The following MAGI3 variants were observed in gnomAD, a reference collection of about 807,000 sequenced individuals.
MAGI3 encodes membrane-associated guanylate kinase, WW and PDZ domain-containing protein 3.
MAGI3 carries 43 observed loss-of-function variants against 121.8 expected under a neutral mutation model. The observed-to-expected ratio is 0.35, with a 90% CI of 0.28 to 0.46. The LOEUF is 0.46. MAGI3 is among the 20% of genes least tolerant of loss of function. The pLI, the probability that MAGI3 is intolerant of heterozygous loss-of-function variation, is 1.00. For missense variants in MAGI3, 1,547 were observed against 1,797.3 expected (o/e 0.86, Z 2.52); for synonymous variants, 553 against 639.3 (o/e 0.86, Z 2.04).
intron 17 of MAGI3, 98 bp from the exon 18 acceptor site, chr1:113,672,517 G>A: frequency 7.3e-7 from 1 of 1,361,762 alleles, no homozygotes; most frequent in East Asian, 2.5e-5. Context: ...GAGGGAAAAT[G>A]GCAAGGTCGA....
Position 113,659,170 on chromosome 1 carries a change from A to C in MAGI3, c.2720A>C (p.Asn907Thr). ...LKVGDHISAV[N>T]GQSIVELSHD... ...GTTGGAGATCATATCTCTGCAGTGA[A>C]TGGGCAGTCCATTGTTGAACTGTCT... Residue 907 changes from asparagine to threonine, a missense_variant, in exon 16 of 21, where the codon AAT becomes ACT. Physicochemically the swap from Asn to Thr is moderately conservative, Grantham distance 65. Coordinates refer to ENST00000307546, the MANE Select transcript of MAGI3 (RefSeq NM_001142782.2). 2.5e-6 allele frequency: 4 copies of C among 1,614,122 alleles called. No individual in the cohort carries two copies. The highest frequency in any genetic ancestry group is 3.4e-6 in the Non-Finnish European group (4 of 1,179,976).
chr1:113,665,429 A>G (rs529453550), intron 16 of MAGI3, among the ~76,000 whole-genome samples: 8 of 152,266 alleles, frequency 5.3e-5, no homozygotes, highest in South Asian at 2.1e-4. Context: ...ATATCTGCTT[A>G]TTAGGGAAAA....
chr1:113,593,356 A>G (rs1474222231), intron 5 of MAGI3, among the ~76,000 whole-genome samples: 1 of 152,134 alleles, frequency 6.6e-6, no homozygotes, highest in Non-Finnish European at 1.5e-5. Context: ...AGTCTAGGCA[A>G]CATAGCCAGG....
chr1:113,587,119 A>G (rs150658436), intron 4 of MAGI3, among the ~76,000 whole-genome samples: 2 of 152,350 alleles, frequency 1.3e-5, no homozygotes, highest in East Asian at 3.9e-4. Flanking sequence ...CTGAATAAGT[A>G]TGAACTGTAG....
chr1:113,406,617 A>G (rs1346239321), intron 1 of MAGI3, among the ~76,000 whole-genome samples: 1 of 152,094 alleles, frequency 6.6e-6, no homozygotes, highest in African/African-American at 2.4e-5. Context: ...TTAATCCAAT[A>G]TTAAAGTATT....
chr1:113,451,884 C>A (rs1165164978), intron 1 of MAGI3, among the ~76,000 whole-genome samples: 1 of 152,132 alleles, frequency 6.6e-6, no homozygotes, highest in African/African-American at 2.4e-5. Context: ...CTCCTGTCTA[C>A]CCACCTTCCA....
At chr1:113,678,195 A>G (rs1647998441) in intron 19 of MAGI3, among the ~76,000 whole-genome samples, 1 of 152,214 alleles carries the variant, frequency 6.6e-6, no homozygotes, top group African/African-American at 2.4e-5. Flanking sequence ...ATGTGATTGA[A>G]ATAAATTATA....
chr1:113,451,515 C>G (rs1245287918), intron 1 of MAGI3, among the ~76,000 whole-genome samples: 4 of 152,168 alleles, frequency 2.6e-5, no homozygotes. Context: ...CCATAAGACT[C>G]ACTTTTTGAT....
At chr1:113,484,703 C>CTCCCT (rs1557782038) in intron 1 of MAGI3, among the ~76,000 whole-genome samples, 1 of 19,646 alleles carries the variant, frequency 5.1e-5, no homozygotes. Context: ...CTCCCCTCCC[C>CTCCCT]TCCCCTCCCC....
chr1:113,665,571 C>T (rs910269115), intron 16 of MAGI3, among the ~76,000 whole-genome samples: 17 of 151,966 alleles, frequency 1.1e-4, no homozygotes, highest in South Asian at 2.1e-4. Context: ...ATTGTGTATA[C>T]GCGTATATAA....
At chr1:113,433,145 T>C (rs1653389627) in intron 1 of MAGI3, among the ~76,000 whole-genome samples, 1 of 152,218 alleles carries the variant, frequency 6.6e-6, no homozygotes, top group Admixed American at 6.5e-5. Flanking sequence ...CCTCTATTAA[T>C]GGCCATTTGT....
At position 113,684,508 on chromosome 1, in the gene MAGI3, T is replaced by TAACTC. The variant is rs1224082281; in HGVS notation, c.*496_*500dup. The TAACTC allele has an allele frequency of 6.6e-6, 1 of 152,650 alleles. No individual in the cohort carries two copies. Among genetic ancestry groups the TAACTC allele is most frequent in the African/African-American group, 2.4e-5 (1 of 41,472 alleles). The allele number at this position is 152,650 out of a possible 1,614,324, so 9.5% of individuals were successfully genotyped here. A position where few individuals can be genotyped will look rare whatever the true frequency, so the allele number is the denominator to read the frequency against. The stretch of plus-strand genomic sequence containing the variant: ...GAGTCCTTGCAGAAGAAGAGACTGT[T>TAACTC]AACTCATCGTTAAAGATGGCCGTTG... On this transcript the variant is annotated 3_prime_UTR_variant, in exon 21 of 21. Coordinates refer to ENST00000307546, the MANE Select transcript of MAGI3 (RefSeq NM_001142782.2).
chr1:113,560,024 A>ACC (rs2101685928), intron 2 of MAGI3, among the ~76,000 whole-genome samples: 2 of 152,320 alleles, frequency 1.3e-5, no homozygotes, highest in African/African-American at 4.8e-5. Context: ...GATCAAGAGG[A>ACC]CCCGATAGTT....
chr1:113,541,579 A>G (rs760216917), intron 1 of MAGI3, among the ~76,000 whole-genome samples: 1 of 152,218 alleles, frequency 6.6e-6, no homozygotes, highest in Non-Finnish European at 1.5e-5. Flanking sequence ...CGAGCGTGGC[A>G]TACTTAGAGA....
intron 2 of MAGI3, among the ~76,000 whole-genome samples, chr1:113,573,135 C>A (rs1647413856): frequency 6.6e-6 from 1 of 151,664 alleles, no homozygotes. Context: ...CCGTTTTAGC[C>A]AGGATGGTCT....
At chr1:113,560,417 A>T (rs1393513950) in intron 2 of MAGI3, among the ~76,000 whole-genome samples, 1 of 151,278 alleles carries the variant, frequency 6.6e-6, no homozygotes, top group Non-Finnish European at 1.5e-5. Context: ...AAAAAACCAA[A>T]AAAACAATAA....
At chr1:113,490,969 T>C (rs543624891) in intron 1 of MAGI3, among the ~76,000 whole-genome samples, 3 of 152,044 alleles carry the variant, frequency 2.0e-5, no homozygotes, top group East Asian at 3.9e-4. Context: ...TGTTAGATAA[T>C]TGAGCCAGAA....
At chr1:113,577,175 G>A (rs1482483352) in intron 2 of MAGI3, among the ~76,000 whole-genome samples, 1 of 152,148 alleles carries the variant, frequency 6.6e-6, no homozygotes, top group Non-Finnish European at 1.5e-5. Context: ...TGAGGTCCTG[G>A]TAATGTTCTG....
Position 113,671,745 on chromosome 1 carries a change from C to A in MAGI3, c.2827C>A (p.Pro943Thr). The A allele has an allele frequency of 1.9e-6, 3 of 1,614,172 alleles. No individual in the cohort carries two copies. The South Asian group carries it at 3.3e-5, about 18-fold the overall frequency. ...TVIAEEEHHG[P>T]PSGTNSARQS... ...TCTCATTTGAACAGAGCATCATGGT[C>A]CACCATCAGGAACAAACTCAGCCAG... Residue 943 changes from proline to threonine, a missense_variant, in exon 17 of 21, where the codon CCA (proline) becomes ACA (threonine). Physicochemically the swap from Pro to Thr is conservative, Grantham distance 38. Coordinates refer to ENST00000307546, the MANE Select transcript of MAGI3 (RefSeq NM_001142782.2).
Sources: allele counts gnomAD v4.1 joint callset (sites outside exome capture counted in the v4.1 genomes callset), GRCh38; gene constraint gnomAD v4.1.1; transcripts MANE v1.5; gene names NCBI Gene and HGNC (gene_info 2026-07-23, HGNC 2026-07-21).